SNRPC: variants seen among roughly 807,000 people sequenced by gnomAD.
SNRPC encodes the protein small nuclear ribonucleoprotein polypeptide C, also known as U1 small nuclear ribonucleoprotein C.
A neutral mutation model predicts 20.0 loss-of-function variants in SNRPC; 5 were observed. That is an observed-to-expected ratio of 0.25 (90% CI 0.13 to 0.53). The LOEUF (loss-of-function observed/expected upper bound fraction) is 0.53, where lower values mean the gene tolerates loss of function less well. Ranked by LOEUF, SNRPC falls within the 20% of genes least tolerant of loss-of-function variation. SNRPC has a pLI of 0.96. For missense variants in SNRPC, 112 were observed against 224.1 expected (o/e 0.50, Z 3.19); for synonymous variants, 61 against 58.7 (o/e 1.04, Z -0.18).
intron 2 of SNRPC, among the ~76,000 whole-genome samples, chr6:34,758,976 C>T (rs564945122): frequency 1.4e-5 from 2 of 146,092 alleles, no homozygotes; most frequent in East Asian, 2.1e-4. Flanking sequence ...GCCGAGATCC[C>T]GCCACTGCAC....
chr6:34,764,905 C>T (rs1561790628), intron 3 of SNRPC, among the ~76,000 whole-genome samples: 1 of 151,872 alleles, frequency 6.6e-6, no homozygotes, highest in Admixed American at 6.6e-5. Flanking sequence ...CCTGTAATCC[C>T]AGCTACTTGG....
In SNRPC at chr6:34,773,621, CACCAGGAG is replaced by C; in HGVS notation, c.*53_*60del. 1 of 1,546,946 alleles carries C rather than the reference CACCAGGAG, an allele frequency of 6.5e-7. No individual in the cohort carries two copies. Among genetic ancestry groups the C allele is most frequent in the Non-Finnish European group, 8.9e-7 (1 of 1,125,212 alleles). On this transcript the variant is annotated 3_prime_UTR_variant, in exon 6 of 6. Transcript: ENST00000244520. The surrounding 1 kb of genome is among the most constrained non-coding windows in gnomAD (Gnocchi z 4.1). ...CGGTTTTATATTACCTGTTCTGCTT[CACCAGGAG>C]ATCATGCTGCTGTGATACTGAGTTT...
intron 2 of SNRPC, among the ~76,000 whole-genome samples, chr6:34,762,103 A>G (rs1420633632): frequency 1.3e-5 from 2 of 152,160 alleles, no homozygotes; most frequent in Non-Finnish European, 2.9e-5. Context: ...TAGGGGTTTG[A>G]GACCAGAATG....
At chr6:34,760,879 A>T (rs1424550682) in intron 2 of SNRPC, among the ~76,000 whole-genome samples, 6 of 144,668 alleles carry the variant, frequency 4.1e-5, no homozygotes, top group Non-Finnish European at 9.3e-5. Context: ...CCCCATCTCT[A>T]CTAAAAATAC....
At chr6:34,770,181 C>T (rs1764668625) in intron 4 of SNRPC, 110 bp from the exon 5 acceptor site, 1 of 807,546 alleles carries the variant, frequency 1.2e-6, no homozygotes. Flanking sequence ...GAGATTGTGC[C>T]ATTGCACTCC....
rs780547041 is a variant in SNRPC at position 34,762,681 on chromosome 6, T to C, written c.138T>C (p.Ala46=). The C allele has an allele frequency of 4.6e-5, 73 of 1,577,198 alleles. No homozygotes were observed. The highest frequency in any genetic ancestry group is 5.6e-5 in the Non-Finnish European group (64 of 1,146,594). Residue 46 remains alanine, a synonymous_variant, in exon 3 of 6, where the codon GCT becomes GCC. Transcript: ENST00000244520. The stretch of plus-strand genomic sequence containing the variant: ...ATCAGAAATGGATGGAAGAGCAGGC[T>C]CAGAGCCTGATTGACAAAACAAGTA... ...DYYQKWMEEQ[A]QSLIDKTTAA...
intron 4 of SNRPC, among the ~76,000 whole-genome samples, chr6:34,769,175 G>A (rs35141641): frequency 0.13 from 19,977 of 150,894 alleles, 1,495 homozygotes; most frequent in African/African-American, 0.2. Flanking sequence ...TTTTGATAGC[G>A]GAATAGTCTA....
At position 34,771,110 on chromosome 6, in the gene SNRPC, C is replaced by T. The variant is rs190093850; in HGVS notation, c.355+715C>T. On this transcript the variant is annotated intron_variant, in intron 5 of 5. Coordinates refer to ENST00000244520, the MANE Select transcript of SNRPC (RefSeq NM_003093.3). ...TTGGGAGGCCAAGGCAGGCAGATCA[C>T]GAGGTCAAGAGATCAAGACCATCTT... Among the ~76,000 whole-genome samples, 3 of 152,216 alleles carry T rather than the reference C, an allele frequency of 2.0e-5. 1 individual carries two copies. The highest frequency in any genetic ancestry group is 3.9e-4 in the East Asian group (2 of 5,176).
intron 3 of SNRPC, among the ~76,000 whole-genome samples, chr6:34,765,809 G>A (rs905409759): frequency 6.6e-6 from 1 of 152,000 alleles, no homozygotes; most frequent in African/African-American, 2.4e-5. Flanking sequence ...TGCCATTAAA[G>A]CTCACTGCAG....
At chr6:34,770,209 C>T (rs1258928628) in intron 4 of SNRPC, 82 bp from the exon 5 acceptor site, 18 of 1,069,412 alleles carry the variant, frequency 1.7e-5, no homozygotes, top group South Asian at 1.3e-4. Context: ...GCAACAAGAA[C>T]GAAACTCCGT....
chr6:34,768,035 G>A (rs904593871), intron 4 of SNRPC, 38 bp downstream of exon 4: 2 of 1,580,556 alleles, frequency 1.3e-6, no homozygotes, highest in Non-Finnish European at 1.7e-6. Flanking sequence ...GTGTGACGGG[G>A]CAGGCTATCC....
At chr6:34,768,677 G>A (rs1238601337) in intron 4 of SNRPC, among the ~76,000 whole-genome samples, 5 of 151,524 alleles carry the variant, frequency 3.3e-5, no homozygotes, top group East Asian at 1.9e-4. Flanking sequence ...GCTTGAACCC[G>A]GGTGGTGGGG....
intron 3 of SNRPC, among the ~76,000 whole-genome samples, chr6:34,764,538 C>G (rs1468267518): frequency 1.3e-5 from 2 of 152,032 alleles, no homozygotes; most frequent in African/African-American, 4.8e-5. Context: ...TGGTGCGTGC[C>G]TGTAGCCCCA....
Position 34,770,438 on chromosome 6 carries a change from T to G in SNRPC, c.355+43T>G, listed in dbSNP as rs1021864932. The G allele has an allele frequency of 3.1e-6, 4 of 1,272,196 alleles. No homozygotes were observed. In the Admixed American group the frequency reaches 6.8e-5, roughly 22 times the overall value. 78.8% of individuals were successfully genotyped at this position (1,272,196 alleles called of 1,614,324 possible). On this transcript the variant is annotated intron_variant, in intron 5 of 5. Transcript: ENST00000244520. ...TCTTTCTAGTTTGTTCCATTTAGTT[T>G]AGTTACTATGCATAGCTGACACTTA... is the stretch of plus-strand genomic sequence containing the variant.
rs948158744 is a variant in SNRPC, at chr6:34,766,494, C to T, written c.161-1414C>T. On this transcript the variant is annotated intron_variant, in intron 3 of 5. Transcript: ENST00000244520. ...GATTACAGGCAGGAGCCACTGCACTCGGCTTGAATACACGTTTTTGTTTTT... is the reference window on the plus strand; with the variant it reads ...GATTACAGGCAGGAGCCACTGCACTTGGCTTGAATACACGTTTTTGTTTTT... Among the ~76,000 whole-genome samples, 4 of 152,206 alleles carry T rather than the reference C, an allele frequency of 2.6e-5. No individual in the cohort carries two copies. The East Asian group carries it at 7.7e-4, about 29-fold the overall frequency.
chr6:34,761,981 C>T (rs535754904), intron 2 of SNRPC, among the ~76,000 whole-genome samples: 3 of 152,156 alleles, frequency 2.0e-5, no homozygotes, highest in African/African-American at 7.2e-5. Context: ...CTCAACTGTT[C>T]CTTGTAGAGA....
chr6:34,773,201 T>C lies in SNRPC; in HGVS notation c.356-245T>C, dbSNP rs933203511. Among the ~76,000 whole-genome samples, 2 of 152,244 alleles carry C rather than the reference T, an allele frequency of 1.3e-5. No homozygotes were observed. Among genetic ancestry groups the C allele is most frequent in the Admixed American group, 6.5e-5 (1 of 15,282 alleles). ...AAGCAGTCTATTAATAGTTTCCCCC[T>C]TACTATCATTAGATCATGATTCCCA... On this transcript the variant is annotated intron_variant, in intron 5 of 5. Coordinates refer to ENST00000244520, the MANE Select transcript of SNRPC (RefSeq NM_003093.3). The surrounding 1 kb of genome is among the most constrained non-coding windows in gnomAD (Gnocchi z 4.1).
In SNRPC at chr6:34,770,443, A is replaced by G. The variant is rs1364719854; in HGVS notation, c.355+48A>G. 4.1e-6 allele frequency: 5 copies of G among 1,217,810 alleles called. No homozygotes were observed. The African/African-American group carries it at 4.5e-5, about 11-fold the overall frequency. The allele number at this position is 1,217,810 out of a possible 1,614,324, so 75.4% of individuals were successfully genotyped here. A position where few individuals can be genotyped will look rare whatever the true frequency, so the allele number is the denominator to read the frequency against. Reference sequence around the variant, plus strand: ...CTAGTTTGTTCCATTTAGTTTAGTTACTATGCATAGCTGACACTTAATGGA... The same window carrying G: ...CTAGTTTGTTCCATTTAGTTTAGTTGCTATGCATAGCTGACACTTAATGGA... On this transcript the variant is annotated intron_variant, in intron 5 of 5. Coordinates refer to ENST00000244520, the MANE Select transcript of SNRPC (RefSeq NM_003093.3).
intron 3 of SNRPC, among the ~76,000 whole-genome samples, chr6:34,763,742 C>G (rs532351234): frequency 5.9e-4 from 89 of 150,124 alleles, no homozygotes; most frequent in Non-Finnish European, 1.1e-3. Context: ...TTATTTGAGA[C>G]AGTCTCACTC....
Sources: allele counts gnomAD v4.1 joint callset (sites outside exome capture counted in the v4.1 genomes callset), GRCh38; gene constraint gnomAD v4.1.1; non-coding constraint Gnocchi (gnomAD v3.1); transcripts MANE v1.5; gene names NCBI Gene and HGNC (gene_info 2026-07-23, HGNC 2026-07-21).